Variants in HCN1 observed in about 807,000 individuals in gnomAD.
The protein encoded by HCN1 is potassium/sodium hyperpolarization-activated cyclic nucleotide-gated channel 1.
In HCN1, 13 loss-of-function variants were observed where a neutral mutation model predicts 78.9. The observed-to-expected ratio is 0.16, with a 90% confidence interval of 0.11 to 0.26. HCN1 has a LOEUF of 0.26. HCN1 is among the 10% of genes least tolerant of loss of function. The pLI is 1.00. For missense variants in HCN1, 810 were observed against 1,154.3 expected, an observed-to-expected ratio of 0.70 and a Z score of 4.32; for synonymous variants, 552 against 455.5, an observed-to-expected ratio of 1.21 and a Z score of -2.70.
At chr5:45,313,125 C>G (rs1036090297) in intron 5 of HCN1, among the ~76,000 whole-genome samples, 1 of 152,188 alleles carries the variant, frequency 6.6e-6, no homozygotes, top group African/African-American at 2.4e-5. Context: ...CCAGTAGGGG[C>G]AGACTGACAC....
chr5:45,364,569 A>C (rs1226083987), intron 4 of HCN1, among the ~76,000 whole-genome samples: 1 of 152,010 alleles, frequency 6.6e-6, no homozygotes, highest in African/African-American at 2.4e-5. Context: ...TTTTTCCTGC[A>C]TGTCTTCTCT....
intron 2 of HCN1, among the ~76,000 whole-genome samples, chr5:45,635,609 T>G (rs1745342233): frequency 6.6e-6 from 1 of 152,134 alleles, no homozygotes; most frequent in African/African-American, 2.4e-5. Flanking sequence ...ATGGTCTAAA[T>G]GGCAGACTTA....
At position 45,316,364 on chromosome 5, in the gene HCN1, C is replaced by G. The variant is rs531563198; in HGVS notation, c.1378-12525G>C. Among the ~76,000 whole-genome samples, 42 of 152,132 alleles carry G rather than the reference C, an allele frequency of 2.8e-4. 1 individual carries two copies. Among genetic ancestry groups the G allele is most frequent in the Admixed American group, 2.5e-3 (38 of 15,262 alleles). On this transcript the variant is annotated intron_variant, in intron 5 of 7. Coordinates refer to ENST00000303230, the MANE Select transcript of HCN1 (RefSeq NM_021072.4). ...AAAGGCCTTTGACAAAATTCAACACCCCTTCATGCTAAAAACTCTCAATAA... is the reference window on the plus strand; with the variant it reads ...AAAGGCCTTTGACAAAATTCAACACGCCTTCATGCTAAAAACTCTCAATAA...
intron 7 of HCN1, 105 bp downstream of exon 7, chr5:45,266,984 C>T (rs1744871709): frequency 1.9e-5 from 18 of 967,702 alleles, no homozygotes; most frequent in Middle Eastern, 2.5e-4. Flanking sequence ...GATGGGATTA[C>T]AGGCATGAGT....
chr5:45,301,402 T>G (rs1745618066), intron 6 of HCN1, among the ~76,000 whole-genome samples: 1 of 151,138 alleles, frequency 6.6e-6, no homozygotes, highest in East Asian at 2.0e-4. Flanking sequence ...GTAGTAAAAC[T>G]AAATAAAATA....
intron 2 of HCN1, among the ~76,000 whole-genome samples, chr5:45,595,742 T>A (rs1744478450): frequency 1.3e-5 from 2 of 151,068 alleles, no homozygotes; most frequent in South Asian, 4.2e-4. Context: ...ATGAAACAAT[T>A]AAAAAAAAAC....
At chr5:45,493,722 G>A (rs1040223340) in intron 2 of HCN1, among the ~76,000 whole-genome samples, 1 of 151,478 alleles carries the variant, frequency 6.6e-6, no homozygotes, top group Middle Eastern at 3.4e-3. Context: ...CTAGCATTAG[G>A]TATATCCCCC....
Position 45,628,985 on chromosome 5 carries a change from TA to T in HCN1, c.849+16199del, listed in dbSNP as rs201496606. ...TGAAACTTCAACTCAAAATAAAAAA[TA>T]AAAAAAAAAAAGAAAATAAAAGAAA... On this transcript the variant is annotated intron_variant, in intron 2 of 7. Transcript: ENST00000303230. Among the ~76,000 whole-genome samples, 821 of 117,632 alleles carry T rather than the reference TA, an allele frequency of 7.0e-3. 1 individual carries two copies. The highest frequency in any genetic ancestry group is 0.014 in the African/African-American group (458 of 32,518). The allele number at this position is 117,632 out of a possible 152,430, so 77.2% of individuals were successfully genotyped here.
At chr5:45,275,160 C>A (rs542822207) in intron 6 of HCN1, among the ~76,000 whole-genome samples, 4 of 151,030 alleles carry the variant, frequency 2.6e-5, no homozygotes, top group Non-Finnish European at 5.9e-5. Flanking sequence ...GCAGGAGAAT[C>A]ATTTGAAACC....
intron 3 of HCN1, among the ~76,000 whole-genome samples, chr5:45,404,693 C>CAAAAAAA (rs60728403): frequency 7.7e-4 from 43 of 56,208 alleles, no homozygotes; most frequent in Non-Finnish European, 1.0e-3. Context: ...GGGCTATTTG[C>CAAAAAAA]AAAAAAAAAA....
rs574901598 is a variant in HCN1, at chr5:45,374,040, T to A, written c.1231-20794A>T. 1.3e-4 allele frequency among the ~76,000 whole-genome samples: 14 copies of A among 108,622 alleles called. 1 individual carries two copies. The highest frequency in any genetic ancestry group is 2.1e-4 in the Non-Finnish European group (12 of 57,962). 71.3% of individuals were successfully genotyped at this position (108,622 alleles called of 152,430 possible). The stretch of plus-strand genomic sequence containing the variant: ...TATATTATATATATTATATACATAA[T>A]ATATATTATATATATTATATATATA... On this transcript the variant is annotated intron_variant, in intron 4 of 7. Coordinates refer to ENST00000303230, the MANE Select transcript of HCN1 (RefSeq NM_021072.4).
intron 2 of HCN1, among the ~76,000 whole-genome samples, chr5:45,624,156 T>C (rs1027751723): frequency 5.9e-5 from 9 of 152,168 alleles, no homozygotes; most frequent in African/African-American, 9.7e-5. Context: ...TTAGAGGCCA[T>C]TGGAACATTT....
rs956551644 is a variant in HCN1 at position 45,445,237 on chromosome 5, C to T, written c.1011+16609G>A. 1.1e-4 allele frequency among the ~76,000 whole-genome samples: 16 copies of T among 152,284 alleles called. 1 individual carries two copies. Among genetic ancestry groups the T allele is most frequent in the African/African-American group, 3.6e-4 (15 of 41,556 alleles). On this transcript the variant is annotated intron_variant, in intron 3 of 7. Transcript: ENST00000303230. ...AACGGCGCACCAGGAGATTATATCC[C>T]GCACCTGGCTCGGAGGGTCCTACGC...
At chr5:45,356,468 C>G (rs1747009010) in intron 4 of HCN1, among the ~76,000 whole-genome samples, 1 of 151,752 alleles carries the variant, frequency 6.6e-6, no homozygotes, top group Non-Finnish European at 1.5e-5. Flanking sequence ...AGTTTCAAAC[C>G]CACCAGTCTC....
chr5:45,317,214 C>A (rs1382029925), intron 5 of HCN1, among the ~76,000 whole-genome samples: 1 of 152,142 alleles, frequency 6.6e-6, no homozygotes, highest in Non-Finnish European at 1.5e-5. Context: ...GGCACCAAAA[C>A]AGAGATATAG....
intron 6 of HCN1, among the ~76,000 whole-genome samples, chr5:45,294,673 G>A (rs1209152612): frequency 6.6e-6 from 1 of 151,866 alleles, no homozygotes; most frequent in Non-Finnish European, 1.5e-5. Flanking sequence ...TTTGTTAATG[G>A]CATTTTACTT....
intron 2 of HCN1, among the ~76,000 whole-genome samples, chr5:45,494,786 A>G (rs1384167476): frequency 6.6e-6 from 1 of 152,198 alleles, no homozygotes; most frequent in Non-Finnish European, 1.5e-5. Context: ...CTAAGGTGTA[A>G]GGAAGGGATC....
At chr5:45,452,605 G>T (rs1740947441) in intron 3 of HCN1, among the ~76,000 whole-genome samples, 1 of 151,698 alleles carries the variant, frequency 6.6e-6, no homozygotes, top group Non-Finnish European at 1.5e-5. Flanking sequence ...CCCTAAAAGA[G>T]TATTTAAATG....
rs1313109538 is a variant in HCN1, at chr5:45,255,801, G to A, written c.*6120C>T. On this transcript the variant is annotated 3_prime_UTR_variant, in exon 8 of 8. Coordinates refer to ENST00000303230, the MANE Select transcript of HCN1 (RefSeq NM_021072.4). The stretch of plus-strand genomic sequence containing the variant: ...GGAGTTTTCCTCACAAATTTAACAG[G>A]AAATAAAAACCTTTCAAGAAAGTCT... The A allele has an allele frequency of 6.6e-6, 1 of 151,782 alleles. No individual in the cohort carries two copies. The highest frequency in any genetic ancestry group is 1.5e-5 in the Non-Finnish European group (1 of 67,934). 9.4% of individuals were successfully genotyped at this position (151,782 alleles called of 1,614,324 possible).
Sources: gnomAD v4.1 joint callset for allele counts (sites outside exome capture counted in the v4.1 genomes callset) on GRCh38, gnomAD v4.1.1 for gene constraint, MANE v1.5 for transcripts, NCBI Gene and HGNC (gene_info 2026-07-23, HGNC 2026-07-21) for gene names.